Variants in FOXK1 observed in about 807,000 individuals in gnomAD.
FOXK1 encodes the protein forkhead box K1.
A neutral mutation model predicts 51.9 loss-of-function variants in FOXK1; 19 were observed. The ratio of observed to expected loss-of-function variants is 0.37; its 90% confidence interval spans 0.26 to 0.54. The LOEUF (loss-of-function observed/expected upper bound fraction) is 0.54, where lower values mean the gene tolerates loss of function less well. Ranked by LOEUF, FOXK1 falls within the 20% of genes least tolerant of loss-of-function variation. The pLI is 0.87. For synonymous variants in FOXK1, 537 were observed against 482.6 expected, an observed-to-expected ratio of 1.11 and a Z score of -1.48; for missense variants, 870 against 1,032.7, an observed-to-expected ratio of 0.84 and a Z score of 2.16.
rs1780731950 is a variant in FOXK1 at position 4,748,298 on chromosome 7, C to T, written c.747-6161C>T. Among the ~76,000 whole-genome samples the T allele has an allele frequency of 6.6e-6, 1 of 152,182 alleles. No individual in the cohort carries two copies. The highest frequency in any genetic ancestry group is 2.1e-4 in the South Asian group (1 of 4,828). On this transcript the variant is annotated intron_variant, in intron 2 of 8. Transcript: ENST00000328914. This position sits in a 1 kb window ranked among gnomAD's most constrained non-coding sequence, Gnocchi z 4.9. The stretch of plus-strand genomic sequence containing the variant: ...CTTGGTTTTTCCGTTTTAGATATTA[C>T]ACATGAGGTTCCTATATGGAAATTA...
intron 2 of FOXK1, among the ~76,000 whole-genome samples, chr7:4,746,155 C>T (rs560560888): frequency 1.6e-4 from 24 of 152,270 alleles, no homozygotes; most frequent in African/African-American, 3.4e-4. Context: ...TCGTACAATT[C>T]GGCGAAGGTC....
chr7:4,728,237 C>A (rs973312227), intron 1 of FOXK1, among the ~76,000 whole-genome samples: 1 of 152,216 alleles, frequency 6.6e-6, no homozygotes, highest in African/African-American at 2.4e-5. Context: ...GATCCTAACA[C>A]AGCAAAGGCG....
rs1008407494 is a variant in FOXK1 at position 4,768,257 on chromosome 7, C to T, written c.*5793C>T. 3 of 145,710 alleles carry T rather than the reference C, an allele frequency of 2.1e-5. No homozygotes were observed. The highest frequency in any genetic ancestry group is 4.4e-5 in the Non-Finnish European group (3 of 67,498). 9.0% of individuals were successfully genotyped at this position (145,710 alleles called of 1,614,324 possible). On this transcript the variant is annotated 3_prime_UTR_variant, in exon 9 of 9. Transcript: ENST00000328914. The stretch of plus-strand genomic sequence containing the variant: ...ACGCCATTCTCCTGCCTCAGCCTCC[C>T]GAGTAGCTGGGACTACAGGCGCCCG...
At chr7:4,757,688 AC>A (rs1241547751) in intron 5 of FOXK1, among the ~76,000 whole-genome samples, 5 of 150,838 alleles carry the variant, frequency 3.3e-5, no homozygotes, top group Non-Finnish European at 5.9e-5. Context: ...AACAATACAC[AC>A]TACAACAGCT....
At chr7:4,699,261 G>A (rs929089975) in intron 1 of FOXK1, among the ~76,000 whole-genome samples, 3 of 151,028 alleles carry the variant, frequency 2.0e-5, no homozygotes, top group East Asian at 3.9e-4. Context: ...CGTGGGACTC[G>A]TGGGGTCCTT....
Position 4,711,546 on chromosome 7 carries a change from G to C in FOXK1, c.560+28678G>C, listed in dbSNP as rs547380072. ...CCCATCCCATGGCCACTGGAGAACT[G>C]GCAGAAGCTCCTAGAGCAGTTGGAT... On this transcript the variant is annotated intron_variant, in intron 1 of 8. Transcript: ENST00000328914. The surrounding 1 kb of genome is among the most constrained non-coding windows in gnomAD (Gnocchi z 6.3). 1.3e-5 allele frequency among the ~76,000 whole-genome samples: 2 copies of C among 152,312 alleles called. No individual in the cohort carries two copies. The highest frequency in any genetic ancestry group is 2.9e-5 in the Non-Finnish European group (2 of 68,022).
At chr7:4,720,010 T>A (rs1483279736) in intron 1 of FOXK1, among the ~76,000 whole-genome samples, 2 of 152,222 alleles carry the variant, frequency 1.3e-5, no homozygotes, top group African/African-American at 4.8e-5. Context: ...TGACGTCCGA[T>A]GTGTTGAGTT....
rs998935069 is a variant in FOXK1 at position 4,756,690 on chromosome 7, G to A, written c.1051-304G>A. 4.0e-5 allele frequency among the ~76,000 whole-genome samples: 6 copies of A among 151,776 alleles called. No individual in the cohort carries two copies. Among genetic ancestry groups the A allele is most frequent in the Non-Finnish European group, 7.4e-5 (5 of 67,926 alleles). The stretch of plus-strand genomic sequence containing the variant: ...TGAGGCAGGAGAATCCCTTGAACCC[G>A]GGAGGCGGAACTTGCAGTGAGCCGA... On this transcript the variant is annotated intron_variant, in intron 4 of 8. Transcript: ENST00000328914. The surrounding 1 kb of genome is among the most constrained non-coding windows in gnomAD (Gnocchi z 4.1).
Position 4,734,085 on chromosome 7 carries a change from C to T in FOXK1, c.561-6753C>T, listed in dbSNP as rs553601860. 9.2e-5 allele frequency among the ~76,000 whole-genome samples: 14 copies of T among 152,284 alleles called. No individual in the cohort carries two copies. Among genetic ancestry groups the T allele is most frequent in the African/African-American group, 3.4e-4 (14 of 41,564 alleles). On this transcript the variant is annotated intron_variant, in intron 1 of 8. Transcript: ENST00000328914. This position sits in a 1 kb window ranked among gnomAD's most constrained non-coding sequence, Gnocchi z 5.2. Reference sequence around the variant, plus strand: ...TGTCCTCAACCCCTAACCACTGAAGCGATGCCTGTGTTTTAACCTTAGTAA... The same window carrying T: ...TGTCCTCAACCCCTAACCACTGAAGTGATGCCTGTGTTTTAACCTTAGTAA...
intron 1 of FOXK1, among the ~76,000 whole-genome samples, chr7:4,695,085 C>T (rs1167210622): frequency 6.6e-6 from 1 of 152,226 alleles, no homozygotes; most frequent in Non-Finnish European, 1.5e-5. Context: ...CCATGAGGCT[C>T]CAGAAGAAGG....
At chr7:4,690,707 G>C (rs542049182) in intron 1 of FOXK1, among the ~76,000 whole-genome samples, 3 of 151,512 alleles carry the variant, frequency 2.0e-5, no homozygotes, top group South Asian at 2.1e-4. Context: ...GTAGGATGTA[G>C]TGGTGTTCAT....
Position 4,762,085 on chromosome 7 carries a change from G to C in FOXK1, c.1922-99G>C. On this transcript the variant is annotated intron_variant, in intron 8 of 8. Coordinates refer to ENST00000328914, the MANE Select transcript of FOXK1 (RefSeq NM_001037165.2). The surrounding 1 kb of genome is among the most constrained non-coding windows in gnomAD (Gnocchi z 5.7). The stretch of plus-strand genomic sequence containing the variant: ...GCCTGGCAGGGGTGCACTGACCTCC[G>C]GTTCCGGCTTGGTGGCTTAGCCCCT... 2 of 1,399,842 alleles carry C rather than the reference G, an allele frequency of 1.4e-6. No individual in the cohort carries two copies. Among genetic ancestry groups the C allele is most frequent in the Non-Finnish European group, 9.6e-7 (1 of 1,040,682 alleles). 86.7% of individuals were successfully genotyped at this position (1,399,842 alleles called of 1,614,324 possible). A position where few individuals can be genotyped will look rare whatever the true frequency, so the allele number is the denominator to read the frequency against.
At position 4,754,712 on chromosome 7, in the gene FOXK1, G is replaced by C; in HGVS notation, c.903+97G>C. On this transcript the variant is annotated intron_variant, in intron 3 of 8. Transcript: ENST00000328914. ...CACAGACAGCCCAGGGCCTGCGGGCGTGTGCTCGAGGTGGTCTCAGCCCAC... is the reference window on the plus strand; with the variant it reads ...CACAGACAGCCCAGGGCCTGCGGGCCTGTGCTCGAGGTGGTCTCAGCCCAC... 6 of 1,413,386 alleles carry C rather than the reference G, an allele frequency of 4.2e-6. No individual in the cohort carries two copies. The East Asian group carries it at 1.3e-4, about 30-fold the overall frequency. 87.6% of individuals were successfully genotyped at this position (1,413,386 alleles called of 1,614,324 possible).
In FOXK1 at chr7:4,747,483, AATT is replaced by A. The variant is rs1365031686; in HGVS notation, c.746+6467_746+6469del. Among the ~76,000 whole-genome samples the A allele has an allele frequency of 6.6e-6, 1 of 152,106 alleles. No homozygotes were observed. The highest frequency in any genetic ancestry group is 2.4e-5 in the African/African-American group (1 of 41,418). On this transcript the variant is annotated intron_variant, in intron 2 of 8. Coordinates refer to ENST00000328914, the MANE Select transcript of FOXK1 (RefSeq NM_001037165.2). This position sits in a 1 kb window ranked among gnomAD's most constrained non-coding sequence, Gnocchi z 9.2. ...AGAAACAAGTTAATTTTATTTTCTA[AATT>A]ATTATTTTTAATGCTGGTTCCAATT...
rs549247248 is a variant in FOXK1, at chr7:4,743,529, G to A, written c.746+2506G>A. On this transcript the variant is annotated intron_variant, in intron 2 of 8. Coordinates refer to ENST00000328914, the MANE Select transcript of FOXK1 (RefSeq NM_001037165.2). The surrounding 1 kb of genome is among the most constrained non-coding windows in gnomAD (Gnocchi z 5.3). Reference sequence around the variant, plus strand: ...CACGCGACTGCACTCCAGCCCGGGCGATAGAGCGAGACTCCATTTCTCAGT... The same window carrying A: ...CACGCGACTGCACTCCAGCCCGGGCAATAGAGCGAGACTCCATTTCTCAGT... 1.3e-5 allele frequency among the ~76,000 whole-genome samples: 2 copies of A among 152,338 alleles called. No homozygotes were observed. Among genetic ancestry groups the A allele is most frequent in the South Asian group, 4.1e-4 (2 of 4,830 alleles).
In FOXK1 at chr7:4,729,583, G is replaced by A. The variant is rs925232794; in HGVS notation, c.561-11255G>A. The stretch of plus-strand genomic sequence containing the variant: ...ACACACCTGAGCCCCAGGGAGGGTC[G>A]GTGGCCATGGCTGTGCTTGGCCGCC... On this transcript the variant is annotated intron_variant, in intron 1 of 8. Coordinates refer to ENST00000328914, the MANE Select transcript of FOXK1 (RefSeq NM_001037165.2). The surrounding 1 kb of genome is among the most constrained non-coding windows in gnomAD (Gnocchi z 6.2). Among the ~76,000 whole-genome samples, 3 of 152,198 alleles carry A rather than the reference G, an allele frequency of 2.0e-5. No individual in the cohort carries two copies. The highest frequency in any genetic ancestry group is 4.4e-5 in the Non-Finnish European group (3 of 68,032).
In FOXK1 at chr7:4,759,039, C is replaced by T. The variant is rs763830429; in HGVS notation, c.1245-12C>T. 1.9e-6 allele frequency: 3 copies of T among 1,579,110 alleles called. No individual in the cohort carries two copies. Among genetic ancestry groups the T allele is most frequent in the Non-Finnish European group, 1.7e-6 (2 of 1,166,900 alleles). ...CGGGCGCTGACTGCCGCGGCCCTTGCCTGTCTTCCAGGAGCGCTCCAGCTT... is the reference window on the plus strand; with the variant it reads ...CGGGCGCTGACTGCCGCGGCCCTTGTCTGTCTTCCAGGAGCGCTCCAGCTT... On this transcript the variant is annotated splice_polypyrimidine_tract_variant and intron_variant, in intron 5 of 8. Transcript: ENST00000328914.
rs1562393164 is a variant in FOXK1, at chr7:4,762,308, C to T, written c.2046C>T (p.Thr682=). The T allele has an allele frequency of 1.9e-6, 3 of 1,550,360 alleles. No individual in the cohort carries two copies. Among genetic ancestry groups the T allele is most frequent in the Non-Finnish European group, 2.6e-6 (3 of 1,146,788 alleles). The change falls in exon 9 of 9, where the codon ACC becomes ACT. Residue 682 remains threonine, a synonymous_variant. Transcript: ENST00000328914. The surrounding 1 kb of genome is among the most constrained non-coding windows in gnomAD (Gnocchi z 5.7). The part of the protein sequence containing the change: ...PAAAVAATAT[T]TPATATTASA... ...CAGCCGTCGCGGCCACGGCCACCAC[C>T]ACCCCAGCCACTGCCACCACCGCCT...
chr7:4,728,730 GAAAAAAAA>G (rs67143977), intron 1 of FOXK1, among the ~76,000 whole-genome samples: 7 of 103,896 alleles, frequency 6.7e-5, no homozygotes, highest in South Asian at 3.4e-4. Context: ...GTCTCTTTTT[GAAAAAAAA>G]AAAAAAAAAA....
Sources: allele counts gnomAD v4.1 joint callset (sites outside exome capture counted in the v4.1 genomes callset), GRCh38; gene constraint gnomAD v4.1.1; non-coding constraint Gnocchi (gnomAD v3.1); transcripts MANE v1.5; gene names NCBI Gene and HGNC (gene_info 2026-07-23, HGNC 2026-07-21).